Variants in LRP6 observed in about 807,000 individuals in gnomAD.
LRP6 encodes the protein low-density lipoprotein receptor-related protein 6.
In LRP6, 43 loss-of-function variants were observed where a neutral mutation model predicts 184.1. The observed-to-expected ratio is 0.23, with a 90% CI of 0.18 to 0.30. The LOEUF is 0.30. Ranked by LOEUF, LRP6 falls within the 10% of genes least tolerant of loss-of-function variation. The pLI is 1.00. For missense variants in LRP6, 1,571 were observed against 2,005.3 expected, an observed-to-expected ratio of 0.78 and a Z score of 4.14; for synonymous variants, 719 against 684.9, an observed-to-expected ratio of 1.05 and a Z score of -0.78.
At chr12:12,155,064 T>G (rs1950131826) in intron 12 of LRP6, among the ~76,000 whole-genome samples, 1 of 152,048 alleles carries the variant, frequency 6.6e-6, no homozygotes, top group Admixed American at 6.6e-5. Context: ...GGCACCGTGA[T>G]GCACGCCTGT....
intron 2 of LRP6, among the ~76,000 whole-genome samples, chr12:12,210,497 G>C (rs902419732): frequency 5.5e-4 from 83 of 152,170 alleles, no homozygotes; most frequent in African/African-American, 1.7e-3. Context: ...GTGAAAGTTG[G>C]TTAGAAAAGG....
intron 15 of LRP6, among the ~76,000 whole-genome samples, chr12:12,146,191 C>T (rs59250011): frequency 3.3e-5 from 5 of 152,294 alleles, no homozygotes; most frequent in South Asian, 2.1e-4. Context: ...ACACTTACAT[C>T]GGTCTTTCTC....
chr12:12,135,359 G>T, intron 16 of LRP6, 59 bp from the exon 17 acceptor site: 1 of 1,209,634 alleles, frequency 8.3e-7, no homozygotes, highest in Non-Finnish European at 1.2e-6. Context: ...GAGAGAAGTG[G>T]GAGAGAAGAG....
At chr12:12,185,972 A>G (rs1863461739) in intron 4 of LRP6, among the ~76,000 whole-genome samples, 1 of 151,738 alleles carries the variant, frequency 6.6e-6, no homozygotes, top group Admixed American at 6.6e-5. Flanking sequence ...CAGCCTCCCA[A>G]GTAGCTGGGA....
intron 1 of LRP6, among the ~76,000 whole-genome samples, chr12:12,261,111 G>GA (rs1356529275): frequency 4.6e-5 from 7 of 152,024 alleles, no homozygotes; most frequent in African/African-American, 9.7e-5. Context: ...TTAAAGCAAA[G>GA]AAAAAAATCT....
intron 16 of LRP6, among the ~76,000 whole-genome samples, chr12:12,136,751 T>C (rs921701122): frequency 3.3e-5 from 5 of 152,238 alleles, no homozygotes; most frequent in African/African-American, 7.2e-5. Flanking sequence ...ACACATTATA[T>C]AGAATATACA....
At chr12:12,227,543 G>C (rs895961409) in intron 2 of LRP6, among the ~76,000 whole-genome samples, 12 of 151,984 alleles carry the variant, frequency 7.9e-5, no homozygotes, top group African/African-American at 2.9e-4. Context: ...GAGTAGCTGG[G>C]ATTACAGGCA....
At chr12:12,194,246 A>G (rs1175245074) in intron 3 of LRP6, among the ~76,000 whole-genome samples, 2 of 152,190 alleles carry the variant, frequency 1.3e-5, no homozygotes, top group East Asian at 3.9e-4. Flanking sequence ...CATGCTCAAG[A>G]CTATTTTTAA....
intron 16 of LRP6, among the ~76,000 whole-genome samples, chr12:12,135,552 G>T (rs973974265): frequency 9.3e-5 from 14 of 150,798 alleles, no homozygotes; most frequent in Admixed American, 7.9e-4. Context: ...GGAGTACAGT[G>T]GTGTGATCTT....
Position 12,145,381 on chromosome 12 carries a change from A to T in LRP6, c.3397+1985T>A, listed in dbSNP as rs147780383. ...AATTATAAATGTATTCAAACATACA[A>T]AAATGTACATGATACAGGAGTAAGC... On this transcript the variant is annotated intron_variant, in intron 15 of 22. Coordinates refer to ENST00000261349, the MANE Select transcript of LRP6 (RefSeq NM_002336.3). Among the ~76,000 whole-genome samples the T allele has an allele frequency of 3.5e-3, 532 of 152,326 alleles. 3 individuals are homozygous for T. The highest frequency in any genetic ancestry group is 0.012 in the African/African-American group (490 of 41,594).
Position 12,249,343 on chromosome 12 carries a change from T to C in LRP6, c.56-4688A>G, listed in dbSNP as rs539122786. On this transcript the variant is annotated intron_variant, in intron 1 of 22. Transcript: ENST00000261349. ...ATGGCAGAATTCACAGCACCAAAGT[T>C]GTCCTGCAAGAGCTTTGGCGCCTAA... 4.0e-4 allele frequency: 461 copies of C among 1,150,542 alleles called. 3 individuals carry two copies. In the South Asian group the frequency reaches 5.5e-3, roughly 14 times the overall value. The allele number at this position is 1,150,542 out of a possible 1,614,324, so 71.3% of individuals were successfully genotyped here.
intron 1 of LRP6, chr12:12,248,954 T>TA (rs989361833): frequency 1.7e-5 from 8 of 471,220 alleles, no homozygotes; most frequent in African/African-American, 1.6e-4. Flanking sequence ...TGACAGAGTA[T>TA]AAAAAATTAA....
chr12:12,225,544 T>C (rs1312591548), intron 2 of LRP6, among the ~76,000 whole-genome samples: 2 of 152,104 alleles, frequency 1.3e-5, no homozygotes, highest in Non-Finnish European at 2.9e-5. Context: ...ACACTTTTTT[T>C]GGTTTTACCT....
intron 15 of LRP6, among the ~76,000 whole-genome samples, chr12:12,145,287 G>A (rs1316584300): frequency 6.6e-6 from 1 of 151,566 alleles, no homozygotes; most frequent in Non-Finnish European, 1.5e-5. Flanking sequence ...TGGAATCAGA[G>A]AATACATAAT....
intron 4 of LRP6, among the ~76,000 whole-genome samples, chr12:12,184,779 A>G (rs1863428603): frequency 6.6e-6 from 1 of 152,206 alleles, no homozygotes; most frequent in African/African-American, 2.4e-5. Flanking sequence ...GAAGATTAAC[A>G]TAGAAGGGAT....
intron 16 of LRP6, among the ~76,000 whole-genome samples, chr12:12,136,376 AAAACTT>A (rs1362369955): frequency 2.0e-5 from 3 of 152,228 alleles, no homozygotes; most frequent in Admixed American, 1.3e-4. Context: ...TTAGAAGAAA[AAAACTT>A]AAAAGGCACA....
At chr12:12,216,694 T>C (rs956843803) in intron 2 of LRP6, among the ~76,000 whole-genome samples, 2 of 150,850 alleles carry the variant, frequency 1.3e-5, no homozygotes, top group Non-Finnish European at 3.0e-5. Flanking sequence ...TTGTTAAAGG[T>C]TGTTTTCTCA....
chr12:12,123,616 A>G (rs1465049661), intron 22 of LRP6, among the ~76,000 whole-genome samples: 1 of 152,112 alleles, frequency 6.6e-6, no homozygotes, highest in Non-Finnish European at 1.5e-5. Flanking sequence ...GTGTGTAGAT[A>G]GAAACTCTCA....
chr12:12,185,142 T>C (rs1399198974), intron 4 of LRP6, among the ~76,000 whole-genome samples: 3 of 151,906 alleles, frequency 2.0e-5, no homozygotes, highest in African/African-American at 7.3e-5. Context: ...CTATAAAAAA[T>C]ACTAAAATTA....
Sources: gnomAD v4.1 joint callset for allele counts (sites outside exome capture counted in the v4.1 genomes callset) on GRCh38, gnomAD v4.1.1 for gene constraint, MANE v1.5 for transcripts, NCBI Gene and HGNC (gene_info 2026-07-23, HGNC 2026-07-21) for gene names.